Variants in HMCN1 observed in about 807,000 individuals in gnomAD.
HMCN1 encodes hemicentin-1.
HMCN1 carries 321 observed loss-of-function variants against 625.9 expected under a neutral mutation model. That is an observed-to-expected ratio of 0.51 (90% CI 0.47 to 0.56). The LOEUF is 0.56. Ranked by LOEUF, HMCN1 falls within the 20% of genes least tolerant of loss-of-function variation. HMCN1 has a pLI of 0.00. For missense variants in HMCN1, 6,588 were observed against 6,887.3 expected (o/e 0.96, Z 1.54); for synonymous variants, 2,425 against 2,417.6 (o/e 1.00, Z -0.09).
Position 186,035,505 on chromosome 1 carries a change from G to A in HMCN1, c.5750-2429G>A, listed in dbSNP as rs1424719973. Among the ~76,000 whole-genome samples, 5 of 152,190 alleles carry A rather than the reference G, an allele frequency of 3.3e-5. No individual in the cohort carries two copies. The East Asian group carries it at 9.6e-4, about 29-fold the overall frequency. ...TCTTCTTCTAAATTCTGGGTTGAGT[G>A]CTTAGGACTTTTCTTTCATTATTTC... On this transcript the variant is annotated intron_variant, in intron 36 of 106. Coordinates refer to ENST00000271588, the MANE Select transcript of HMCN1 (RefSeq NM_031935.3).
At position 186,117,094 on chromosome 1, in the gene HMCN1, A is replaced by C. The variant is rs772015867; in HGVS notation, c.11662A>C (p.Thr3888Pro). 3.7e-6 allele frequency: 6 copies of C among 1,613,394 alleles called. No homozygotes were observed. Among genetic ancestry groups the C allele is most frequent in the Admixed American group, 3.3e-5 (2 of 60,000 alleles). The change falls in exon 76 of 107, where the codon ACT becomes CCT. Residue 3888 changes from threonine (T) to proline (P), a missense_variant. This residue lies in a region of HMCN1 where 4,628 missense variants were observed against 4,853.1 expected (regional missense o/e 0.95). Transcript: ENST00000271588. ...AAACGGTGCTGGAGATGATAAAAGA[A>C]CTGTGGATCTCACTGTCCAAGGTAG... is the stretch of plus-strand genomic sequence containing the variant. Reference protein sequence around the residue: ...VTNGAGDDKRTVDLTVQVPPS... With the variant: ...VTNGAGDDKRPVDLTVQVPPS...
intron 97 of HMCN1, among the ~76,000 whole-genome samples, chr1:186,154,583 A>G (rs1317277889): frequency 6.6e-6 from 1 of 152,172 alleles, no homozygotes; most frequent in East Asian, 1.9e-4. Flanking sequence ...TACAAATAAT[A>G]AAGTCCATTT....
At chr1:185,996,195 ACAAAT>A (rs1203860268) in intron 24 of HMCN1, among the ~76,000 whole-genome samples, 4 of 152,176 alleles carry the variant, frequency 2.6e-5, no homozygotes. Flanking sequence ...TAACAGAAAG[ACAAAT>A]CAAACAAGGC....
In HMCN1 at chr1:185,864,571, C is replaced by T. The variant is rs759803254; in HGVS notation, c.441C>T (p.Ser147=). The T allele has an allele frequency of 2.7e-5, 43 of 1,613,818 alleles. No homozygotes were observed. The South Asian group carries it at 3.2e-4, about 12-fold the overall frequency. ...TCTATGTTTTCACTGATGCTCGGTC[C>T]AAAGATTACCGGCTCACCCATGAGG... ...SFIYVFTDAR[S]KDYRLTHEVL... is the part of the protein sequence containing the mutation. The change falls in exon 3 of 107, where the codon TCC becomes TCT. Residue 147 remains serine, a synonymous_variant. Transcript: ENST00000271588.
intron 11 of HMCN1, among the ~76,000 whole-genome samples, chr1:185,949,605 G>A (rs1268150289): frequency 6.6e-6 from 1 of 151,568 alleles, no homozygotes; most frequent in African/African-American, 2.4e-5. Flanking sequence ...TGGCTGATTT[G>A]ACTAATAAAG....
intron 90 of HMCN1, 60 bp downstream of exon 90, chr1:186,144,403 A>T: frequency 6.3e-7 from 1 of 1,599,748 alleles, no homozygotes; most frequent in Non-Finnish European, 8.6e-7. Flanking sequence ...TTATCTAGGT[A>T]GTATGTCAAC....
chr1:186,083,830 C>G (rs10798036), intron 57 of HMCN1, among the ~76,000 whole-genome samples: 97,818 of 151,964 alleles, frequency 0.64, 33,668 homozygotes, highest in African/African-American at 0.91. Flanking sequence ...TTTTAATTCC[C>G]GTTCTTAGCA....
rs1289336236 is a variant in HMCN1, at chr1:186,120,106, G to T, written c.12190G>T (p.Ala4064Ser). 6.2e-7 allele frequency: 1 copy of T among 1,613,948 alleles called. No individual in the cohort carries two copies. The highest frequency in any genetic ancestry group is 1.1e-5 in the South Asian group (1 of 91,084). ...GTYMCVAQNPAGTALGKIKLN... is the reference protein window; with the variant it reads ...GTYMCVAQNPSGTALGKIKLN... ...TTACATGTGTGTGGCCCAGAACCCG[G>T]CTGGTACAGCCTTGGGCAAAATCAA... Residue 4064 changes from alanine (A) to serine (S), a missense_variant, in exon 80 of 107, where the codon GCT becomes TCT. Around this residue, in one of 3 missense-constraint regions of HMCN1, gnomAD observed 1,954 missense variants for 2,013.1 expected, o/e 0.97. Coordinates refer to ENST00000271588, the MANE Select transcript of HMCN1 (RefSeq NM_031935.3).
chr1:185,818,747 C>A (rs1301186343), intron 1 of HMCN1, among the ~76,000 whole-genome samples: 4 of 152,132 alleles, frequency 2.6e-5, no homozygotes, highest in Non-Finnish European at 4.4e-5. Flanking sequence ...ATGAATGACA[C>A]CAGGCTACCA....
intron 6 of HMCN1, among the ~76,000 whole-genome samples, chr1:185,921,742 T>G (rs1667016963): frequency 6.6e-6 from 1 of 152,240 alleles, no homozygotes; most frequent in Non-Finnish European, 1.5e-5. Context: ...TGGTGAACTC[T>G]TGTTCATAAG....
intron 2 of HMCN1, among the ~76,000 whole-genome samples, chr1:185,863,219 A>G (rs909849053): frequency 2.0e-4 from 30 of 152,176 alleles, no homozygotes; most frequent in African/African-American, 6.0e-4. Context: ...CATAAAGCCC[A>G]CATGATCCCA....
intron 73 of HMCN1, 61 bp from the exon 74 acceptor site, chr1:186,114,758 C>G: frequency 6.3e-7 from 1 of 1,597,180 alleles, no homozygotes; most frequent in Non-Finnish European, 8.6e-7. Context: ...TTCCCTCAGT[C>G]AAAATATGAA....
chr1:186,090,808 C>T lies in HMCN1; in HGVS notation c.9778C>T (p.Leu3260=). The T allele has an allele frequency of 6.2e-7, 1 of 1,612,618 alleles. No homozygotes were observed. The highest frequency in any genetic ancestry group is 1.1e-5 in the South Asian group (1 of 91,058). The change falls in exon 64 of 107, where the codon CTA becomes TTA. Residue 3260 remains leucine, a synonymous_variant. Coordinates refer to ENST00000271588, the MANE Select transcript of HMCN1 (RefSeq NM_031935.3). The stretch of plus-strand genomic sequence containing the variant: ...AATTCCAAGTGATGTCAGTGTCCTT[C>T]TAGGAGAAAATGTTGAGCTGGTCTG... ...AEIPSDVSVL[L]GENVELVCNA... is the part of the protein sequence containing the mutation.
At chr1:186,134,166 A>C (rs1041768667) in intron 86 of HMCN1, among the ~76,000 whole-genome samples, 2 of 152,188 alleles carry the variant, frequency 1.3e-5, no homozygotes, top group Non-Finnish European at 2.9e-5. Flanking sequence ...ACCAGAAGCG[A>C]TATTTTTATT....
chr1:186,143,191 G>A (rs1650081702), intron 89 of HMCN1, among the ~76,000 whole-genome samples: 1 of 152,160 alleles, frequency 6.6e-6, no homozygotes, highest in African/African-American at 2.4e-5. Flanking sequence ...ACTGTAACAT[G>A]CATTTAAAAA....
intron 6 of HMCN1, among the ~76,000 whole-genome samples, chr1:185,918,954 A>C (rs1431268184): frequency 6.6e-6 from 1 of 152,044 alleles, no homozygotes; most frequent in African/African-American, 2.4e-5. Flanking sequence ...CTGTGGTGGA[A>C]AGGTGCTTTT....
chr1:185,893,095 T>G (rs1289238369), intron 4 of HMCN1, among the ~76,000 whole-genome samples: 1 of 152,188 alleles, frequency 6.6e-6, no homozygotes, highest in Non-Finnish European at 1.5e-5. Flanking sequence ...CGTTACCCCT[T>G]TCTTTGATTA....
intron 82 of HMCN1, among the ~76,000 whole-genome samples, chr1:186,127,352 A>G (rs1401676347): frequency 1.3e-5 from 2 of 152,126 alleles, no homozygotes; most frequent in African/African-American, 4.8e-5. Flanking sequence ...ATTTAAAGCT[A>G]TAGCACTGTA....
intron 1 of HMCN1, among the ~76,000 whole-genome samples, chr1:185,839,771 G>C (rs1661372403): frequency 1.3e-5 from 2 of 152,156 alleles, no homozygotes; most frequent in Non-Finnish European, 2.9e-5. Flanking sequence ...TCATTCAGCA[G>C]TACATGAAGT....
Sources: gnomAD v4.1 joint callset for allele counts (sites outside exome capture counted in the v4.1 genomes callset) on GRCh38, gnomAD v4.1.1 for gene constraint, gnomAD v4.1.1 regional missense constraint, MANE v1.5 for transcripts, NCBI Gene and HGNC (gene_info 2026-07-23, HGNC 2026-07-21) for gene names.